DNAAF4: variants seen among roughly 807,000 people sequenced by gnomAD.
DNAAF4 encodes dynein axonemal assembly factor 4, also known as dynein assembly factor 4, axonemal.
In DNAAF4, 43 loss-of-function variants were observed where a neutral mutation model predicts 51.8. The ratio of observed to expected loss-of-function variants is 0.83; its 90% CI spans 0.65 to 1.07. The LOEUF is 1.07. Among genes scored for constraint, DNAAF4 ranks in the 50% least tolerant of loss-of-function variants. The pLI is 0.00. For missense variants in DNAAF4, 581 were observed against 493.0 expected, an observed-to-expected ratio of 1.18 and a Z score of -1.69; for synonymous variants, 194 against 165.6, an observed-to-expected ratio of 1.17 and a Z score of -1.32.
chr15:55,437,432 G>A (rs2057631276), intron 7 of DNAAF4, among the ~76,000 whole-genome samples: 1 of 150,742 alleles, frequency 6.6e-6, no homozygotes, highest in Admixed American at 6.6e-5. Context: ...TGTTGTAACA[G>A]ACAAGAGAAA....
intron 4 of DNAAF4, among the ~76,000 whole-genome samples, chr15:55,481,811 C>T (rs2058414822): frequency 6.6e-6 from 1 of 152,194 alleles, no homozygotes; most frequent in Non-Finnish European, 1.5e-5. Context: ...AAAAACCCCA[C>T]CTCTCCATGC....
intron 4 of DNAAF4, among the ~76,000 whole-genome samples, chr15:55,479,797 A>G (rs1319425531): frequency 6.6e-6 from 1 of 152,014 alleles, no homozygotes; most frequent in Non-Finnish European, 1.5e-5. Context: ...GGACTGAGAT[A>G]CGCCCTGGTC....
intron 4 of DNAAF4, among the ~76,000 whole-genome samples, chr15:55,477,212 A>G (rs947715630): frequency 2.0e-5 from 3 of 152,116 alleles, no homozygotes; most frequent in Admixed American, 6.6e-5. Context: ...GGAGATGGTT[A>G]GTAGTGATGG....
intron 5 of DNAAF4, among the ~76,000 whole-genome samples, chr15:55,464,085 G>C (rs1046981653): frequency 1.3e-5 from 2 of 152,168 alleles, no homozygotes; most frequent in Non-Finnish European, 2.9e-5. Flanking sequence ...TACCAAAACA[G>C]TATAGTACTG....
intron 4 of DNAAF4, among the ~76,000 whole-genome samples, chr15:55,469,474 CT>C (rs1162485238): frequency 1.5e-4 from 10 of 66,250 alleles, no homozygotes; most frequent in Non-Finnish European, 2.5e-4. Flanking sequence ...CTTACCAATT[CT>C]TTTTTTTTTT....
At chr15:55,430,246 A>G, downstream of DNAAF4, 1 of 400,388 alleles carries the variant, frequency 2.5e-6, no homozygotes, top group Non-Finnish European at 3.4e-6. Context: ...CAACCTGTCA[A>G]TATTTATTAT....
chr15:55,499,379 A>C (rs1446186872), intron 1 of DNAAF4, among the ~76,000 whole-genome samples: 1 of 152,190 alleles, frequency 6.6e-6, no homozygotes, highest in Non-Finnish European at 1.5e-5. Context: ...TCAATCGTTC[A>C]TTTGTATAAA....
chr15:55,443,263 G>C, intron 6 of DNAAF4: 1 of 1,587,648 alleles, frequency 6.3e-7, no homozygotes, highest in Non-Finnish European at 8.6e-7. Context: ...CCTCAGCGCG[G>C]GTTGCGGCTC....
At chr15:55,483,692 C>A (rs977105808) in intron 4 of DNAAF4, among the ~76,000 whole-genome samples, 1 of 151,720 alleles carries the variant, frequency 6.6e-6, no homozygotes, top group African/African-American at 2.4e-5. Flanking sequence ...AAGTGCACAC[C>A]ACCACACACG....
intron 4 of DNAAF4, among the ~76,000 whole-genome samples, chr15:55,487,690 AGAGC>A (rs1338480960): frequency 3.3e-5 from 5 of 152,094 alleles, no homozygotes; most frequent in African/African-American, 9.7e-5. Flanking sequence ...GCCACCATTA[AGAGC>A]TGTAACACAC....
At chr15:55,466,018 A>G (rs552579082) in intron 5 of DNAAF4, among the ~76,000 whole-genome samples, 3 of 152,222 alleles carry the variant, frequency 2.0e-5, no homozygotes, top group Non-Finnish European at 2.9e-5. Flanking sequence ...TGGGTCCACC[A>G]AAATCTCAGA....
intron 5 of DNAAF4, among the ~76,000 whole-genome samples, chr15:55,451,646 T>C (rs2057934548): frequency 6.6e-6 from 1 of 151,958 alleles, no homozygotes; most frequent in Admixed American, 6.6e-5. Flanking sequence ...ACAGGGTTAT[T>C]ACCGTCACCG....
chr15:55,432,945 G>C (rs1050932958), intron 8 of DNAAF4, among the ~76,000 whole-genome samples: 1 of 151,132 alleles, frequency 6.6e-6, no homozygotes, highest in Non-Finnish European at 1.5e-5. Flanking sequence ...GCGAGAATCC[G>C]TCTCAAAAAA....
At chr15:55,466,039 A>G (rs368064814) in intron 5 of DNAAF4, among the ~76,000 whole-genome samples, 2 of 152,318 alleles carry the variant, frequency 1.3e-5, no homozygotes, top group African/African-American at 2.4e-5. Context: ...AATCACCACT[A>G]AAGAACTTAT....
intron 7 of DNAAF4, among the ~76,000 whole-genome samples, chr15:55,421,100 G>T (rs1330503317): frequency 6.7e-6 from 1 of 149,314 alleles, no homozygotes; most frequent in Non-Finnish European, 1.5e-5. Context: ...TGCGGCAGGA[G>T]AATCGCTTGA....
chr15:55,434,777 A>G, intron 8 of DNAAF4, 128 bp downstream of exon 8: 2 of 919,294 alleles, frequency 2.2e-6, no homozygotes, highest in Admixed American at 3.3e-5. Flanking sequence ...AAAAGATTCA[A>G]TAAGAAAGAC....
chr15:55,450,086 T>G, intron 6 of DNAAF4, 136 bp downstream of exon 6: 1 of 1,060,408 alleles, frequency 9.4e-7, no homozygotes, highest in South Asian at 2.2e-5. Flanking sequence ...AAGGAAATTC[T>G]AAAACATATT....
At chr15:55,495,789 T>C (rs1402947618) in intron 3 of DNAAF4, among the ~76,000 whole-genome samples, 1 of 152,064 alleles carries the variant, frequency 6.6e-6, no homozygotes, top group African/African-American at 2.4e-5. Context: ...CATAAAGTAT[T>C]AGAAAACATG....
At chr15:55,457,103 G>C (rs1190455962) in intron 5 of DNAAF4, among the ~76,000 whole-genome samples, 3 of 152,208 alleles carry the variant, frequency 2.0e-5, no homozygotes, top group Non-Finnish European at 4.4e-5. Flanking sequence ...GGCAGGCAGG[G>C]ACTGGTGAGG....
Sources: allele counts gnomAD v4.1 joint callset (sites outside exome capture counted in the v4.1 genomes callset), GRCh38; gene constraint gnomAD v4.1.1; transcripts MANE v1.5; gene names NCBI Gene and HGNC (gene_info 2026-07-23, HGNC 2026-07-21).